Variants in TTLL11 observed in about 807,000 individuals in gnomAD.
The protein encoded by TTLL11 is tubulin tyrosine ligase like 11, also known as tubulin polyglutamylase TTLL11.
TTLL11 carries 42 observed loss-of-function variants against 51.7 expected under a neutral mutation model. The observed-to-expected ratio is 0.81, with a 90% CI of 0.64 to 1.05. TTLL11 has a LOEUF of 1.05. TTLL11 is among the 50% of genes least tolerant of loss of function. The probability of loss-of-function intolerance (pLI) is 0.00; values close to 1 mark genes in which losing one functional copy is unlikely to be tolerated. For synonymous variants in TTLL11, 381 were observed against 383.5 expected, an observed-to-expected ratio of 0.99 and a Z score of 0.08; for missense variants, 799 against 940.4, an observed-to-expected ratio of 0.85 and a Z score of 1.97.
chr9:122,046,421 T>A (rs953472278), intron 1 of TTLL11, among the ~76,000 whole-genome samples: 2 of 152,188 alleles, frequency 1.3e-5, no homozygotes, highest in Admixed American at 1.3e-4. Context: ...ATTAAACCTC[T>A]TTCCCTTATC....
intron 8 of TTLL11, among the ~76,000 whole-genome samples, chr9:121,824,117 C>T (rs556843003): frequency 1.9e-4 from 29 of 152,204 alleles, no homozygotes; most frequent in Admixed American, 5.2e-4. Context: ...GGTACTTTAC[C>T]AACAGTGCCA....
At chr9:121,841,743 G>C (rs12339368) in intron 8 of TTLL11, among the ~76,000 whole-genome samples, 8,997 of 152,104 alleles carry the variant, frequency 0.059, 737 homozygotes, top group African/African-American at 0.19. Context: ...CCAGACCATT[G>C]TTTGTTGTGG....
intron 1 of TTLL11, among the ~76,000 whole-genome samples, chr9:122,051,596 C>T (rs190918088): frequency 3.3e-5 from 5 of 152,138 alleles, no homozygotes; most frequent in Non-Finnish European, 7.4e-5. Context: ...TAATCACCAA[C>T]ACCAGAGTCT....
At chr9:121,922,258 T>A (rs569524170) in intron 6 of TTLL11, among the ~76,000 whole-genome samples, 1 of 152,226 alleles carries the variant, frequency 6.6e-6, no homozygotes, top group Non-Finnish European at 1.5e-5. Flanking sequence ...GATACTCTTT[T>A]TAAAAGATTT....
At chr9:122,036,238 C>G (rs980970424) in intron 2 of TTLL11, among the ~76,000 whole-genome samples, 1 of 151,902 alleles carries the variant, frequency 6.6e-6, no homozygotes, top group African/African-American at 2.4e-5. Flanking sequence ...TGACAGATGG[C>G]TGTCCCCACA....
At chr9:122,066,892 G>A (rs754116667) in intron 1 of TTLL11, among the ~76,000 whole-genome samples, 5 of 152,120 alleles carry the variant, frequency 3.3e-5, no homozygotes, top group Non-Finnish European at 5.9e-5. Flanking sequence ...AAGGCAGCAG[G>A]AAGGAGAAGT....
At chr9:121,862,238 G>C (rs1838035127) in intron 7 of TTLL11, among the ~76,000 whole-genome samples, 1 of 151,886 alleles carries the variant, frequency 6.6e-6, no homozygotes, top group Admixed American at 6.6e-5. Context: ...AAAAGAGCAT[G>C]ATTTAGGCAT....
chr9:121,918,426 C>G (rs748928711), intron 6 of TTLL11, among the ~76,000 whole-genome samples: 1 of 152,130 alleles, frequency 6.6e-6, no homozygotes, highest in East Asian at 1.9e-4. Flanking sequence ...CCCCCAGACT[C>G]CAAAATGATG....
At chr9:122,067,656 C>T (rs954743836) in intron 1 of TTLL11, among the ~76,000 whole-genome samples, 1 of 152,168 alleles carries the variant, frequency 6.6e-6, no homozygotes, top group Non-Finnish European at 1.5e-5. Context: ...GCGCCCACTG[C>T]CACGCCCAGC....
intron 1 of TTLL11, among the ~76,000 whole-genome samples, chr9:122,040,893 C>T (rs1193495147): frequency 2.0e-5 from 3 of 152,178 alleles, no homozygotes; most frequent in Non-Finnish European, 4.4e-5. Flanking sequence ...CTCATAAATA[C>T]AATGAGATAC....
chr9:122,033,607 A>G (rs561554546), intron 2 of TTLL11, among the ~76,000 whole-genome samples: 1 of 152,332 alleles, frequency 6.6e-6, no homozygotes, highest in East Asian at 1.9e-4. Flanking sequence ...GGCAGTCAGA[A>G]TGAATGAGTT....
chr9:122,009,859 G>C (rs1588202185), intron 3 of TTLL11, among the ~76,000 whole-genome samples: 1 of 151,822 alleles, frequency 6.6e-6, no homozygotes, highest in Non-Finnish European at 1.5e-5. Context: ...GTCCATGAAG[G>C]CTGATCTATT....
chr9:122,035,506 C>T (rs1157992406), intron 2 of TTLL11, among the ~76,000 whole-genome samples: 2 of 152,224 alleles, frequency 1.3e-5, no homozygotes, highest in African/African-American at 4.8e-5. Flanking sequence ...CCTACTTAAC[C>T]CAGTTAATGT....
intron 2 of TTLL11, among the ~76,000 whole-genome samples, chr9:122,038,197 T>C (rs1844754334): frequency 1.3e-5 from 2 of 152,212 alleles, no homozygotes; most frequent in Non-Finnish European, 2.9e-5. Flanking sequence ...TTAGAAAGTA[T>C]TTATTATGGC....
chr9:121,895,636 CTTA>C (rs1839453399), intron 6 of TTLL11, among the ~76,000 whole-genome samples: 2 of 124,636 alleles, frequency 1.6e-5, no homozygotes, highest in African/African-American at 6.1e-5. Context: ...GTCATGTGTG[CTTA>C]TGAGTGTGTG....
intron 6 of TTLL11, among the ~76,000 whole-genome samples, chr9:121,882,101 A>C (rs1314623836): frequency 2.6e-5 from 4 of 152,228 alleles, no homozygotes; most frequent in Non-Finnish European, 5.9e-5. Context: ...GCACTCAGTA[A>C]GTGTTAGCTG....
Position 122,079,184 on chromosome 9 carries a change from G to A in TTLL11, c.462+13503C>T, listed in dbSNP as rs565717460. Among the ~76,000 whole-genome samples the A allele has an allele frequency of 5.9e-4, 90 of 152,126 alleles. 1 individual carries two copies. Among genetic ancestry groups the A allele is most frequent in the African/African-American group, 2.0e-3 (85 of 41,494 alleles). Reference sequence around the variant, plus strand: ...TTCAAAATGGCTGCACCATTTTACAGCCCCACCAAGAGTGTATGAGGGTTC... The same window carrying A: ...TTCAAAATGGCTGCACCATTTTACAACCCCACCAAGAGTGTATGAGGGTTC... On this transcript the variant is annotated intron_variant, in intron 1 of 8. Coordinates refer to ENST00000321582, the MANE Select transcript of TTLL11 (RefSeq NM_001139442.2).
At chr9:121,865,474 T>C (rs1436916976) in intron 7 of TTLL11, among the ~76,000 whole-genome samples, 3 of 152,196 alleles carry the variant, frequency 2.0e-5, no homozygotes, top group Admixed American at 2.0e-4. Flanking sequence ...CTGCTTAATT[T>C]CTGGGCTGCC....
intron 4 of TTLL11, among the ~76,000 whole-genome samples, chr9:121,986,869 G>A (rs1432281337): frequency 6.6e-6 from 1 of 151,704 alleles, no homozygotes; most frequent in African/African-American, 2.4e-5. Context: ...CCATAGACTG[G>A]AAATAACCCA....
Sources: allele counts gnomAD v4.1 joint callset (sites outside exome capture counted in the v4.1 genomes callset), GRCh38; gene constraint gnomAD v4.1.1; transcripts MANE v1.5; gene names NCBI Gene and HGNC (gene_info 2026-07-23, HGNC 2026-07-21).